The following IZUMO2 variants were observed in gnomAD, a reference collection of about 807,000 sequenced individuals.
The protein encoded by IZUMO2 is IZUMO family member 2.
IZUMO2 carries 24 observed loss-of-function variants against 31.2 expected under a neutral mutation model. The ratio of observed to expected loss-of-function variants is 0.77; its 90% CI spans 0.56 to 1.08. The LOEUF (loss-of-function observed/expected upper bound fraction) is 1.08. IZUMO2 is among the 50% of genes least tolerant of loss of function. The probability of loss-of-function intolerance (pLI) is 0.00; values close to 1 mark genes in which losing one functional copy is unlikely to be tolerated. For synonymous variants in IZUMO2, 144 were observed against 117.3 expected (o/e 1.23, Z -1.47); for missense variants, 278 against 274.0 (o/e 1.01, Z -0.10).
At chr19:50,155,184 C>T in intron 5 of IZUMO2, among the ~76,000 whole-genome samples, 1 of 152,152 alleles carries the variant, frequency 6.6e-6, no homozygotes, top group East Asian at 1.9e-4. Flanking sequence ...GCAGGGGGAT[C>T]ACTTCAGCCC....
chr19:50,160,558 C>G (rs1234481056), intron 2 of IZUMO2: 1 of 150,760 alleles, frequency 6.6e-6, no homozygotes, highest in Non-Finnish European at 1.5e-5. Context: ...TCTTTGCTCA[C>G]TGCAACCTCT....
intron 2 of IZUMO2, chr19:50,159,989 G>A (rs116390518): frequency 0.036 from 5,654 of 155,472 alleles, 133 homozygotes; most frequent in African/African-American, 0.068. Context: ...CTGGGATTAC[G>A]GGCACGTGCC....
Position 50,162,784 on chromosome 19 carries a change from A to C in IZUMO2, c.262T>G (p.Phe88Val). The C allele has an allele frequency of 6.2e-7, 1 of 1,613,860 alleles. No individual in the cohort carries two copies. The highest frequency in any genetic ancestry group is 8.5e-7 in the Non-Finnish European group (1 of 1,179,966). The stretch of plus-strand genomic sequence containing the variant: ...AAGTGCTGCGTTTGGTTCTTGACAA[A>C]GGACGCCACAAGGTCCAGTTGATTT... Reference protein sequence around the residue: ...ETNQLDLVASFVKNQTQHLMG... With the variant: ...ETNQLDLVASVVKNQTQHLMG... Residue 88 changes from phenylalanine to valine, a missense_variant, in exon 2 of 7, where the codon TTT (phenylalanine) becomes GTT (valine). Transcript: ENST00000293405.
chr19:50,152,745 C>A (rs2030069669), intron 6 of IZUMO2, 94 bp from the exon 7 acceptor site: 2 of 1,112,276 alleles, frequency 1.8e-6, no homozygotes, highest in Non-Finnish European at 2.7e-6. Flanking sequence ...AACTTTCCTA[C>A]AATCTTTGGC....
chr19:50,159,485 ATGC>A lies in IZUMO2; in HGVS notation c.394+6_394+8del. 1 of 1,585,366 alleles carries A rather than the reference ATGC, an allele frequency of 6.3e-7. No homozygotes were observed. ...GAGGAGAGGGGATTGGTGGAGAGAT[ATGC>A]TGCACCTTTTAATTCATATGAAATT... On this transcript the variant is annotated splice_donor_region_variant and intron_variant, in intron 3 of 6. Coordinates refer to ENST00000293405, the MANE Select transcript of IZUMO2 (RefSeq NM_152358.3).
chr19:50,162,536 G>C (rs923978435), intron 2 of IZUMO2, among the ~76,000 whole-genome samples: 1 of 152,066 alleles, frequency 6.6e-6, no homozygotes, highest in African/African-American at 2.4e-5. Context: ...GATCGCTGGA[G>C]CCCTGGAGGT....
intron 2 of IZUMO2, among the ~76,000 whole-genome samples, 189 bp from the exon 3 acceptor site, chr19:50,159,769 C>T (rs757774164): frequency 7.9e-5 from 12 of 152,130 alleles, no homozygotes; most frequent in African/African-American, 2.9e-4. Context: ...TCTGATTCAC[C>T]GTGGGGCCTA....
rs527603963 is a variant in IZUMO2, at chr19:50,155,052, A to G, written c.497-326T>C. On this transcript the variant is annotated intron_variant, in intron 5 of 6. Coordinates refer to ENST00000293405, the MANE Select transcript of IZUMO2 (RefSeq NM_152358.3). The stretch of plus-strand genomic sequence containing the variant: ...GAGGAGCTAGTTCTAAAAGCATTTC[A>G]TTTGATGGGATGGGGTGGGGTGAGG... Among the ~76,000 whole-genome samples, 10 of 152,206 alleles carry G rather than the reference A, an allele frequency of 6.6e-5. No individual in the cohort carries two copies. The South Asian group carries it at 1.9e-3, about 28-fold the overall frequency.
Position 50,163,025 on chromosome 19 carries a change from A to G in IZUMO2, c.170T>C (p.Leu57Pro). Residue 57 changes from leucine (L) to proline (P), a missense_variant, in exon 1 of 7, where the codon CTG becomes CCG. Leu to Pro is a moderately conservative substitution (Grantham distance 98). Coordinates refer to ENST00000293405, the MANE Select transcript of IZUMO2 (RefSeq NM_152358.3). Reference sequence around the variant, plus strand: ...GAAGAAAGGCCCCTCCATGCCCATCAGCACGGCCCCGGCGCGCGCCTGCAG... The same window carrying G: ...GAAGAAAGGCCCCTCCATGCCCATCGGCACGGCCCCGGCGCGCGCCTGCAG... ...EQLQARAGAV[L>P]MGMEGPFFRD... is the part of the protein sequence containing the mutation. 1.9e-6 allele frequency: 3 copies of G among 1,612,370 alleles called. No homozygotes were observed. Among genetic ancestry groups the G allele is most frequent in the Non-Finnish European group, 2.5e-6 (3 of 1,178,948 alleles).
intron 5 of IZUMO2, among the ~76,000 whole-genome samples, chr19:50,155,071 G>T (rs1466822419): frequency 1.3e-5 from 2 of 152,066 alleles, no homozygotes; most frequent in Admixed American, 1.3e-4. Flanking sequence ...GATGGGGTGG[G>T]GTGAGGAGGA....
chr19:50,159,197 A>G, intron 4 of IZUMO2, 33 bp downstream of exon 4: 2 of 1,604,528 alleles, frequency 1.2e-6, no homozygotes, highest in Non-Finnish European at 1.7e-6. Flanking sequence ...TTAGGAGGGT[A>G]GAGAAGGGAG....
intron 4 of IZUMO2, 45 bp downstream of exon 4, chr19:50,159,185 G>A (rs778899412): frequency 1.9e-6 from 3 of 1,595,634 alleles, no homozygotes; most frequent in African/African-American, 2.7e-5. Context: ...GGGTGAAGGG[G>A]GTTAGGAGGG....
Position 50,162,980 on chromosome 19 carries a change from A to ACGTTCAG in IZUMO2, c.208_214dup (p.Val72AlafsTer30), listed in dbSNP as rs1394364541. ...ACACGCACCCACTTTCCCCACAAACACGTTCAGCGCGTAGTCCCGGAAGAA... is the reference window on the plus strand; with the variant it reads ...ACACGCACCCACTTTCCCCACAAACACGTTCAGCGTTCAGCGCGTAGTCCCGGAAGAA... On this transcript the variant is annotated frameshift_variant, in exon 1 of 7. Coordinates refer to ENST00000293405, the MANE Select transcript of IZUMO2 (RefSeq NM_152358.3). LOFTEE classifies it high-confidence loss of function. 2 of 1,611,984 alleles carry ACGTTCAG rather than the reference A, an allele frequency of 1.2e-6. No individual in the cohort carries two copies. Among genetic ancestry groups the ACGTTCAG allele is most frequent in the Non-Finnish European group, 1.7e-6 (2 of 1,179,262 alleles).
chr19:50,156,054 G>A (rs974949246), intron 5 of IZUMO2, among the ~76,000 whole-genome samples: 12 of 152,076 alleles, frequency 7.9e-5, no homozygotes, highest in East Asian at 5.8e-4. Flanking sequence ...CCCTACATCC[G>A]TATTTTCTAA....
intron 2 of IZUMO2, chr19:50,160,405 T>C (rs2030357357): frequency 6.6e-6 from 1 of 152,188 alleles, no homozygotes; most frequent in Non-Finnish European, 1.5e-5. Flanking sequence ...ATATTTTATA[T>C]ATTGGGTTAA....
rs569068547 is a variant in IZUMO2, at chr19:50,154,279, T to G, written c.623+321A>C. 2.8e-4 allele frequency among the ~76,000 whole-genome samples: 39 copies of G among 138,120 alleles called. 1 individual carries two copies. Among genetic ancestry groups the G allele is most frequent in the East Asian group, 1.2e-3 (6 of 4,868 alleles). The allele number at this position is 138,120 out of a possible 152,430, so 90.6% of individuals were successfully genotyped here. A position where few individuals can be genotyped will look rare whatever the true frequency, so the allele number is the denominator to read the frequency against. ...AACTTTTAGCGTTTTTTTTTTTTTTTTTTTTTTTTTTTTTTTTTAATGTAA... is the reference window on the plus strand; with the variant it reads ...AACTTTTAGCGTTTTTTTTTTTTTTGTTTTTTTTTTTTTTTTTTAATGTAA... On this transcript the variant is annotated intron_variant, in intron 6 of 6. Coordinates refer to ENST00000293405, the MANE Select transcript of IZUMO2 (RefSeq NM_152358.3).
At chr19:50,159,605 G>C in intron 2 of IZUMO2, 25 bp from the exon 3 acceptor site, 1 of 1,504,642 alleles carries the variant, frequency 6.6e-7, no homozygotes, top group Non-Finnish European at 9.2e-7. Flanking sequence ...AGATCTCTGT[G>C]GGGTGGGAGG....
At chr19:50,159,293 A>C in intron 3 of IZUMO2, 43 bp from the exon 4 acceptor site, 4 of 1,602,314 alleles carry the variant, frequency 2.5e-6, no homozygotes, top group Non-Finnish European at 3.4e-6. Context: ...TGGGATGGCA[A>C]CTTGATAATT....
At chr19:50,154,547 G>A in intron 6 of IZUMO2, 53 bp downstream of exon 6, 1 of 1,600,944 alleles carries the variant, frequency 6.2e-7, no homozygotes, top group East Asian at 2.2e-5. Context: ...CGCCATTTTT[G>A]AGGGGCCCAG....
Sources: allele counts gnomAD v4.1 joint callset (sites outside exome capture counted in the v4.1 genomes callset), GRCh38; gene constraint gnomAD v4.1.1; transcripts MANE v1.5; gene names NCBI Gene and HGNC (gene_info 2026-07-23, HGNC 2026-07-21).